USP32: variants seen among roughly 807,000 people sequenced by gnomAD.
The protein encoded by USP32 is ubiquitin carboxyl-terminal hydrolase 32.
Under a neutral mutation model 204.8 loss-of-function variants are expected in USP32, and 59 were observed. That is an observed-to-expected ratio of 0.29 (90% CI 0.23 to 0.36). The LOEUF is 0.36. USP32 is among the 10% of genes least tolerant of loss of function. The pLI is 1.00. For synonymous variants in USP32, 517 were observed against 678.4 expected (o/e 0.76, Z 3.70); for missense variants, 1,160 against 1,946.4 (o/e 0.60, Z 7.60).
intron 2 of USP32, among the ~76,000 whole-genome samples, chr17:60,345,076 C>T (rs1168938867): frequency 2.0e-5 from 3 of 152,100 alleles, no homozygotes; most frequent in Non-Finnish European, 4.4e-5. Context: ...GTTAGTATTT[C>T]ATTTACAACA....
At chr17:60,263,165 C>A (rs754967290) in intron 9 of USP32, among the ~76,000 whole-genome samples, 1 of 151,970 alleles carries the variant, frequency 6.6e-6, no homozygotes, top group Admixed American at 6.6e-5. Flanking sequence ...CCAGGCTGGT[C>A]GAGAGCTCCT....
chr17:60,299,243 T>TA (rs2087513638), intron 3 of USP32, among the ~76,000 whole-genome samples: 2 of 152,238 alleles, frequency 1.3e-5, no homozygotes, highest in African/African-American at 4.8e-5. Flanking sequence ...AAACTTTTCT[T>TA]AAAAATGATC....
At position 60,360,632 on chromosome 17, in the gene USP32, A is replaced by G. The variant is rs565402730; in HGVS notation, c.59-15024T>C. Among the ~76,000 whole-genome samples, 23 of 152,074 alleles carry G rather than the reference A, an allele frequency of 1.5e-4. No individual in the cohort carries two copies. In the South Asian group the frequency reaches 4.8e-3, roughly 32 times the overall value. ...AGAGGTTGCAGTGAGCTGAGATTGC[A>G]CCACTGCACTCCAGCCTGGGCAACA... On this transcript the variant is annotated intron_variant, in intron 1 of 33. Transcript: ENST00000300896.
At position 60,192,947 on chromosome 17, in the gene USP32, C is replaced by T. The variant is rs1192722498; in HGVS notation, c.3435-17G>A. 3.1e-6 allele frequency: 5 copies of T among 1,612,336 alleles called. No individual in the cohort carries two copies. The highest frequency in any genetic ancestry group is 4.2e-6 in the Non-Finnish European group (5 of 1,178,848). On this transcript the variant is annotated splice_polypyrimidine_tract_variant and intron_variant, in intron 27 of 33. Coordinates refer to ENST00000300896, the MANE Select transcript of USP32 (RefSeq NM_032582.4). ...CTGTCGTCACTGAAACAGAAGAGAA[C>T]AAAAAGAGTGTAAGAAGCATTTCTG...
chr17:60,213,018 G>A (rs932357177), intron 18 of USP32, among the ~76,000 whole-genome samples: 1 of 152,190 alleles, frequency 6.6e-6, no homozygotes, highest in Admixed American at 6.5e-5. Context: ...CTCCCAAAGT[G>A]CTGGGATTAC....
At chr17:60,414,826 C>T (rs996674577) in intron 1 of USP32, among the ~76,000 whole-genome samples, 4 of 151,388 alleles carry the variant, frequency 2.6e-5, no homozygotes, top group Non-Finnish European at 4.4e-5. Flanking sequence ...AGAAGGAACA[C>T]CAGATTTTTA....
intron 30 of USP32, 73 bp from the exon 31 acceptor site, chr17:60,183,526 G>A: frequency 6.7e-7 from 1 of 1,485,156 alleles, no homozygotes; most frequent in South Asian, 1.4e-5. Context: ...GAAAAAACAA[G>A]TCAAATACAT....
chr17:60,403,651 AG>A (rs142554721), intron 1 of USP32, among the ~76,000 whole-genome samples: 5,172 of 152,268 alleles, frequency 0.034, 141 homozygotes, highest in South Asian at 0.071. Context: ...AGTTTATTTA[AG>A]GAAAGGGGGT....
intron 24 of USP32, 151 bp downstream of exon 24, chr17:60,207,908 A>G: frequency 7.2e-7 from 1 of 1,389,680 alleles, no homozygotes; most frequent in Non-Finnish European, 9.6e-7. Context: ...TCTGGGTTGG[A>G]AAACTTGGCA....
chr17:60,282,642 G>A (rs1485372128), intron 5 of USP32, among the ~76,000 whole-genome samples: 3 of 152,098 alleles, frequency 2.0e-5, no homozygotes, highest in Non-Finnish European at 2.9e-5. Flanking sequence ...ATGAGCCACC[G>A]CACCCAGCCA....
chr17:60,239,855 T>C (rs2085830174), intron 11 of USP32, among the ~76,000 whole-genome samples: 1 of 152,214 alleles, frequency 6.6e-6, no homozygotes, highest in Non-Finnish European at 1.5e-5. Context: ...TGCCTCAACC[T>C]TCCAAGTAGT....
At chr17:60,364,956 C>T (rs1229588659) in intron 1 of USP32, among the ~76,000 whole-genome samples, 4 of 152,164 alleles carry the variant, frequency 2.6e-5, no homozygotes, top group Non-Finnish European at 5.9e-5. Flanking sequence ...ACATCTTCAT[C>T]AAATGATTAC....
chr17:60,354,001 C>A (rs2146033648), intron 1 of USP32, among the ~76,000 whole-genome samples: 1 of 152,310 alleles, frequency 6.6e-6, no homozygotes, highest in African/African-American at 2.4e-5. Context: ...TCCGTAAATT[C>A]TAGCTGCAAC....
In USP32 at chr17:60,418,560, ATAGAG is replaced by A. The variant is rs577949980; in HGVS notation, c.106+3681_106+3685del. Among the ~76,000 whole-genome samples the A allele has an allele frequency of 5.9e-5, 9 of 152,218 alleles. No homozygotes were observed. The East Asian group carries it at 1.4e-3, about 23-fold the overall frequency. On this transcript the variant is annotated intron_variant, in intron 1 of 3. Coordinates refer to the USP32 transcript ENST00000588898. ...TTCTGCACAGCAAAATAAATTATCA[ATAGAG>A]TAAACAGACAACCTACAAAATGGGA...
intron 27 of USP32, among the ~76,000 whole-genome samples, chr17:60,194,056 T>G (rs1296770396): frequency 6.6e-6 from 1 of 152,128 alleles, no homozygotes; most frequent in Non-Finnish European, 1.5e-5. Context: ...TCCATTTTTT[T>G]TTTTGAGACA....
At chr17:60,206,860 T>C (rs889784913) in intron 25 of USP32, among the ~76,000 whole-genome samples, 161 bp downstream of exon 25, 3 of 152,178 alleles carry the variant, frequency 2.0e-5, no homozygotes, top group African/African-American at 4.8e-5. Flanking sequence ...AAATTTTAGG[T>C]TTCTCGTCGA....
At chr17:60,378,430 C>T (rs932772305) in intron 1 of USP32, among the ~76,000 whole-genome samples, 1 of 152,114 alleles carries the variant, frequency 6.6e-6, no homozygotes, top group Non-Finnish European at 1.5e-5. Flanking sequence ...TATGACCCAG[C>T]AATTCCATTC....
rs1429020802 is a variant in USP32 at position 60,205,010 on chromosome 17, C to A, written c.3249+437G>T. On this transcript the variant is annotated intron_variant, in intron 26 of 33. Coordinates refer to ENST00000300896, the MANE Select transcript of USP32 (RefSeq NM_032582.4). ...GTCTCACTATGTTGCCCAGGCTAGC[C>A]TTGAACTCCTGAGCTAAGGTGATCC... Among the ~76,000 whole-genome samples, 7 of 150,800 alleles carry A rather than the reference C, an allele frequency of 4.6e-5. No homozygotes were observed. In the East Asian group the frequency reaches 1.2e-3, roughly 25 times the overall value.
At chr17:60,386,171 T>C (rs184097453) in intron 1 of USP32, among the ~76,000 whole-genome samples, 100 of 146,872 alleles carry the variant, frequency 6.8e-4, no homozygotes, top group Non-Finnish European at 8.8e-5. Flanking sequence ...AGAGGACTTA[T>C]TGGAATGCAG....
Sources: allele counts gnomAD v4.1 joint callset (sites outside exome capture counted in the v4.1 genomes callset), GRCh38; gene constraint gnomAD v4.1.1; transcripts MANE v1.5; gene names NCBI Gene and HGNC (gene_info 2026-07-23, HGNC 2026-07-21).